OR10G2: variants seen among roughly 807,000 people sequenced by gnomAD.
OR10G2 encodes the protein olfactory receptor 10G2.
For synonymous variants in OR10G2, 147 were observed against 164.2 expected (o/e 0.90, Z 0.80); for missense variants, 396 against 387.6 (o/e 1.02, Z -0.18).
chr14:21,634,586 A>G lies in OR10G2; in HGVS notation c.257T>C (p.Leu86Pro). 2 of 1,614,148 alleles carry G rather than the reference A, an allele frequency of 1.2e-6. No individual in the cohort carries two copies. The highest frequency in any genetic ancestry group is 1.1e-5 in the South Asian group (1 of 91,084). Reference sequence around the variant, plus strand: ...GATGGAAGGAGTAAAATCCAAAATAAGCAGAGGAACGGTGACTGAGGAGAG... The same window carrying G: ...GATGGAAGGAGTAAAATCCAAAATAGGCAGAGGAACGGTGACTGAGGAGAG... Reference protein sequence around the residue: ...MWLSSVTVPLLILDFTPSIKA... With the variant: ...MWLSSVTVPLPILDFTPSIKA... The change falls in exon 1 of 1, where the codon CTT becomes CCT. Residue 86 changes from leucine to proline, a missense_variant. Coordinates refer to ENST00000542433, the MANE Select transcript of OR10G2 (RefSeq NM_001005466.2).
rs751824895 is a variant in OR10G2, at chr14:21,634,659, G to A, written c.184C>T (p.Arg62Cys). The change falls in exon 1 of 1, where the codon CGC becomes TGC. Residue 62 changes from arginine to cysteine, a missense_variant. Coordinates refer to ENST00000542433, the MANE Select transcript of OR10G2 (RefSeq NM_001005466.2). ...ACTCCCAGAAGAATGTACATGGGGC[G>A]AGCACAGAGCTTCGGGTCAGCCCAC... is the stretch of plus-strand genomic sequence containing the variant. ...TMWADPKLCARPMYILLGVLS... is the reference protein window; with the variant it reads ...TMWADPKLCACPMYILLGVLS... 1.5e-5 allele frequency: 25 copies of A among 1,614,022 alleles called. No individual in the cohort carries two copies. The highest frequency in any genetic ancestry group is 1.1e-4 in the South Asian group (10 of 91,088).
In OR10G2 at chr14:21,634,828, T is replaced by A. The variant is rs142209074; in HGVS notation, c.15A>T (p.Lys5Asn). 5.6e-4 allele frequency: 907 copies of A among 1,607,920 alleles called. No homozygotes were observed. The highest frequency in any genetic ancestry group is 7.4e-4 in the Non-Finnish European group (877 of 1,177,570). ...TCACCACGGCATCCAGCGATGTGTT[T>A]TTGGTCTTTCCCATGTCTTTTTGTA... MGKT[K>N]NTSLDAVVTD... The change falls in exon 1 of 1, where the codon AAA becomes AAT. Residue 5 changes from lysine (K) to asparagine (N), a missense_variant. Transcript: ENST00000542433.
chr14:21,634,802 G>C lies in OR10G2; in HGVS notation c.41C>G (p.Thr14Arg), dbSNP rs920437403. The change falls in exon 1 of 1, where the codon ACA becomes AGA. Residue 14 changes from threonine to arginine, a missense_variant. Coordinates refer to ENST00000542433, the MANE Select transcript of OR10G2 (RefSeq NM_001005466.2). Reference protein sequence around the residue: ...TKNTSLDAVVTDFILLGLSHP... With the variant: ...TKNTSLDAVVRDFILLGLSHP... ...AGACAAACCCAGAAGAATGAAATCT[G>C]TCACCACGGCATCCAGCGATGTGTT... The C allele has an allele frequency of 2.5e-5, 40 of 1,613,356 alleles. No homozygotes were observed. The highest frequency in any genetic ancestry group is 3.1e-5 in the Non-Finnish European group (36 of 1,179,824).
Position 21,633,923 on chromosome 14 carries a change from A to G in OR10G2, c.920T>C (p.Ile307Thr). 6.2e-7 allele frequency: 1 copy of G among 1,604,790 alleles called. No homozygotes were observed. Among genetic ancestry groups the G allele is most frequent in the Middle Eastern group, 1.7e-4 (1 of 5,980 alleles). Reference protein sequence around the residue: ...NQEVKSALKRITAG With the variant: ...NQEVKSALKRTTAG ...TCATTCAGTCCTTCAACCTGCTGTT[A>G]TCCTCTTCAGGGCAGACTTCACTTC... The change falls in exon 1 of 1, where the codon ATA (isoleucine) becomes ACA (threonine). Residue 307 changes from isoleucine (I) to threonine (T), a missense_variant. Ile to Thr is a moderately conservative substitution (Grantham distance 89). Transcript: ENST00000542433.
Position 21,634,048 on chromosome 14 carries a change from A to G in OR10G2, c.795T>C (p.Leu265=). Residue 265 remains leucine (L), a synonymous_variant, in exon 1 of 1, where the codon CTT becomes CTC. Coordinates refer to ENST00000542433, the MANE Select transcript of OR10G2 (RefSeq NM_001005466.2). The part of the protein sequence containing the change: ...VYYVPCIFIY[L]RAGSKDPLDG... ...CCAGGGGGTCTTTGGAGCCAGCCCT[A>G]AGGTAGATGAAAATACAGGGGACAT... 6.2e-7 allele frequency: 1 copy of G among 1,614,180 alleles called. No homozygotes were observed. Among genetic ancestry groups the G allele is most frequent in the Non-Finnish European group, 8.5e-7 (1 of 1,180,014 alleles).
rs1878632996 is a variant in OR10G2 at position 21,634,559 on chromosome 14, T to G, written c.284A>C (p.Lys95Thr). ...LLILDFTPSI[K>T]AIPFGGCVAQ... ...CACACAGCCACCAAACGGGATAGCC[T>G]TGATGGAAGGAGTAAAATCCAAAAT... Residue 95 changes from lysine to threonine, a missense_variant, in exon 1 of 1, where the codon AAG (lysine) becomes ACG (threonine). Coordinates refer to ENST00000542433, the MANE Select transcript of OR10G2 (RefSeq NM_001005466.2). 3 of 1,614,026 alleles carry G rather than the reference T, an allele frequency of 1.9e-6. No homozygotes were observed. The East Asian group carries it at 6.7e-5, about 36-fold the overall frequency.
At position 21,633,836 on chromosome 14, in the gene OR10G2, T is replaced by C; in HGVS notation, c.*74A>G. 1 of 1,079,276 alleles carries C rather than the reference T, an allele frequency of 9.3e-7. No individual in the cohort carries two copies. Among genetic ancestry groups the C allele is most frequent in the Non-Finnish European group, 1.4e-6 (1 of 739,216 alleles). 66.9% of individuals were successfully genotyped at this position (1,079,276 alleles called of 1,614,324 possible). A position where few individuals can be genotyped will look rare whatever the true frequency, so the allele number is the denominator to read the frequency against. ...TCCTTAGCAGTTTATTGGGCATTTGTCACATGCAGCAGTAGCTGAAGAGAG... is the reference window on the plus strand; with the variant it reads ...TCCTTAGCAGTTTATTGGGCATTTGCCACATGCAGCAGTAGCTGAAGAGAG... On this transcript the variant is annotated 3_prime_UTR_variant, in exon 1 of 1. Transcript: ENST00000542433.
chr14:21,634,699 G>A lies in OR10G2; in HGVS notation c.144C>T (p.Leu48=). The A allele has an allele frequency of 6.2e-7, 1 of 1,614,206 alleles. No homozygotes were observed. Among genetic ancestry groups the A allele is most frequent in the Non-Finnish European group, 8.5e-7 (1 of 1,180,034 alleles). ...IYILTQLGNL[L]ILLTMWADPK... ...GGTCAGCCCACATGGTGAGCAGAATGAGCAGGTTCCCCAGCTGAGTGAGGA... is the reference window on the plus strand; with the variant it reads ...GGTCAGCCCACATGGTGAGCAGAATAAGCAGGTTCCCCAGCTGAGTGAGGA... The change falls in exon 1 of 1, where the codon CTC becomes CTT. Residue 48 remains leucine, a synonymous_variant. Coordinates refer to ENST00000542433, the MANE Select transcript of OR10G2 (RefSeq NM_001005466.2).
rs1291786926 is a variant in OR10G2, at chr14:21,634,284, G to C, written c.559C>G (p.Pro187Ala). The C allele has an allele frequency of 8.1e-6, 13 of 1,614,174 alleles. No homozygotes were observed. In the East Asian group the frequency reaches 2.9e-4, roughly 36 times the overall value. Residue 187 changes from proline to alanine, a missense_variant, in exon 1 of 1, where the codon CCC becomes GCC. Physicochemically the swap from Pro to Ala is conservative, Grantham distance 27 (BLOSUM62 -1). Transcript: ENST00000542433. Reference protein sequence around the residue: ...NQVDYFICDIPAVLRLACADT... With the variant: ...NQVDYFICDIAAVLRLACADT... ...GCACAGGCCAGTCTCAATACTGCGGGGATGTCACAGATAAAGTAATCCACC... is the reference window on the plus strand; with the variant it reads ...GCACAGGCCAGTCTCAATACTGCGGCGATGTCACAGATAAAGTAATCCACC...
Position 21,633,878 on chromosome 14 carries a change from G to A in OR10G2, c.*32C>T. On this transcript the variant is annotated 3_prime_UTR_variant, in exon 1 of 1. Transcript: ENST00000542433. Reference sequence around the variant, plus strand: ...TGAAGAGAGTGGCAGTGATAATGATGCAGATGTAGTTACTTATTTTCATTC... The same window carrying A: ...TGAAGAGAGTGGCAGTGATAATGATACAGATGTAGTTACTTATTTTCATTC... 6.9e-7 allele frequency: 1 copy of A among 1,457,862 alleles called. No homozygotes were observed. The highest frequency in any genetic ancestry group is 1.4e-5 in the African/African-American group (1 of 71,198). The allele number at this position is 1,457,862 out of a possible 1,614,324, so 90.3% of individuals were successfully genotyped here. A position where few individuals can be genotyped will look rare whatever the true frequency, so the allele number is the denominator to read the frequency against.
In OR10G2 at chr14:21,634,657, G is replaced by T. The variant is rs1478322418; in HGVS notation, c.186C>A (p.Arg62=). Reference sequence around the variant, plus strand: ...GCACTCCCAGAAGAATGTACATGGGGCGAGCACAGAGCTTCGGGTCAGCCC... The same window carrying T: ...GCACTCCCAGAAGAATGTACATGGGTCGAGCACAGAGCTTCGGGTCAGCCC... ...TMWADPKLCA[R]PMYILLGVLS... The change falls in exon 1 of 1, where the codon CGC becomes CGA. Residue 62 remains arginine (R), a synonymous_variant. Coordinates refer to ENST00000542433, the MANE Select transcript of OR10G2 (RefSeq NM_001005466.2). 8.7e-6 allele frequency: 14 copies of T among 1,614,006 alleles called. No individual in the cohort carries two copies. The highest frequency in any genetic ancestry group is 6.7e-5 in the Admixed American group (4 of 59,998).
chr14:21,634,613 C>T lies in OR10G2; in HGVS notation c.230G>A (p.Trp77Ter). 2 of 1,614,078 alleles carry T rather than the reference C, an allele frequency of 1.2e-6. No homozygotes were observed. The highest frequency in any genetic ancestry group is 1.7e-6 in the Non-Finnish European group (2 of 1,179,980). Residue 77 changes from tryptophan (W) to a stop codon, truncating the protein, a stop_gained, in exon 1 of 1, where the codon TGG (tryptophan) becomes TAG (stop). Coordinates refer to ENST00000542433, the MANE Select transcript of OR10G2 (RefSeq NM_001005466.2). LOFTEE classifies it low-confidence loss of function (END_TRUNC). Reference sequence around the variant, plus strand: ...CAGAGGAACGGTGACTGAGGAGAGCCACATGTCCAGGAATGAGAGCACTCC... The same window carrying T: ...CAGAGGAACGGTGACTGAGGAGAGCTACATGTCCAGGAATGAGAGCACTCC... ...LLGVLSFLDM[W>*]LSSVTVPLLI...
chr14:21,634,668 G>A lies in OR10G2; in HGVS notation c.175C>T (p.Leu59Phe). The part of the protein sequence containing the change: ...ILLTMWADPK[L>F]CARPMYILLG... ...AGAATGTACATGGGGCGAGCACAGAGCTTCGGGTCAGCCCACATGGTGAGC... is the reference window on the plus strand; with the variant it reads ...AGAATGTACATGGGGCGAGCACAGAACTTCGGGTCAGCCCACATGGTGAGC... The change falls in exon 1 of 1, where the codon CTC becomes TTC. Residue 59 changes from leucine (L) to phenylalanine (F), a missense_variant. Physicochemically the swap from Leu to Phe is conservative, Grantham distance 22. Transcript: ENST00000542433. The A allele has an allele frequency of 6.2e-7, 1 of 1,614,184 alleles. No individual in the cohort carries two copies. The highest frequency in any genetic ancestry group is 8.5e-7 in the Non-Finnish European group (1 of 1,180,024).
In OR10G2 at chr14:21,634,644, G is replaced by T. The variant is rs10146821; in HGVS notation, c.199C>A (p.Leu67Ile). 1.2e-6 allele frequency: 2 copies of T among 1,614,122 alleles called. No homozygotes were observed. The highest frequency in any genetic ancestry group is 2.2e-5 in the South Asian group (2 of 91,082). ...PKLCARPMYI[L>I]LGVLSFLDMW... ...TCCAGGAATGAGAGCACTCCCAGAAGAATGTACATGGGGCGAGCACAGAGC... is the reference window on the plus strand; with the variant it reads ...TCCAGGAATGAGAGCACTCCCAGAATAATGTACATGGGGCGAGCACAGAGC... Residue 67 changes from leucine (L) to isoleucine (I), a missense_variant, in exon 1 of 1, where the codon CTT becomes ATT. Transcript: ENST00000542433.
In OR10G2 at chr14:21,634,797, A is replaced by T. The variant is rs1163642369; in HGVS notation, c.46T>A (p.Phe16Ile). The change falls in exon 1 of 1, where the codon TTC becomes ATC. Residue 16 changes from phenylalanine to isoleucine, a missense_variant. Physicochemically the swap from Phe to Ile is conservative, Grantham distance 21. Transcript: ENST00000542433. ...NTSLDAVVTD[F>I]ILLGLSHPPN... ...GGGTGAGACAAACCCAGAAGAATGA[A>T]ATCTGTCACCACGGCATCCAGCGAT... 1 of 1,613,564 alleles carries T rather than the reference A, an allele frequency of 6.2e-7. No homozygotes were observed. Among genetic ancestry groups the T allele is most frequent in the African/African-American group, 1.3e-5 (1 of 74,842 alleles).
Position 21,633,855 on chromosome 14 carries a change from AAG to A in OR10G2, c.*53_*54del. The stretch of plus-strand genomic sequence containing the variant: ...CATTTGTCACATGCAGCAGTAGCTG[AAG>A]AGAGTGGCAGTGATAATGATGCAGA... On this transcript the variant is annotated 3_prime_UTR_variant, in exon 1 of 1. Coordinates refer to ENST00000542433, the MANE Select transcript of OR10G2 (RefSeq NM_001005466.2). 1 of 1,251,366 alleles carries A rather than the reference AAG, an allele frequency of 8.0e-7. No homozygotes were observed. Among genetic ancestry groups the A allele is most frequent in the Non-Finnish European group, 1.1e-6 (1 of 886,456 alleles). 77.5% of individuals were successfully genotyped at this position (1,251,366 alleles called of 1,614,324 possible).
rs756876485 is a variant in OR10G2, at chr14:21,634,203, T to C, written c.640A>G (p.Ser214Gly). ...GAGAGCAGAATTAACATGAAGCAAC[T>C]GGCGGCCACTACCCCGACGTCCACA... ...TFVDVGVVAA[S>G]CFMLILLSYA... The change falls in exon 1 of 1, where the codon AGT (serine) becomes GGT (glycine). Residue 214 changes from serine (S) to glycine (G), a missense_variant. Physicochemically the swap from Ser to Gly is moderately conservative, Grantham distance 56. Transcript: ENST00000542433. 1 of 1,614,190 alleles carries C rather than the reference T, an allele frequency of 6.2e-7. No homozygotes were observed. The highest frequency in any genetic ancestry group is 1.1e-5 in the South Asian group (1 of 91,078).
rs541165979 is a variant in OR10G2 at position 21,634,688 on chromosome 14, G to A, written c.155C>T (p.Thr52Ile). 2 of 1,614,182 alleles carry A rather than the reference G, an allele frequency of 1.2e-6. No homozygotes were observed. Among genetic ancestry groups the A allele is most frequent in the African/African-American group, 1.3e-5 (1 of 75,028 alleles). ...ACAGAGCTTCGGGTCAGCCCACATG[G>A]TGAGCAGAATGAGCAGGTTCCCCAG... ...TQLGNLLILL[T>I]MWADPKLCAR... The change falls in exon 1 of 1, where the codon ACC becomes ATC. Residue 52 changes from threonine (T) to isoleucine (I), a missense_variant. Physicochemically the swap from Thr to Ile is moderately conservative, Grantham distance 89 (BLOSUM62 -1). Transcript: ENST00000542433.
chr14:21,634,552 G>A lies in OR10G2; in HGVS notation c.291C>T (p.Ile97=). The A allele has an allele frequency of 6.2e-7, 1 of 1,614,148 alleles. No homozygotes were observed. The highest frequency in any genetic ancestry group is 1.1e-5 in the South Asian group (1 of 91,082). ...ILDFTPSIKA[I]PFGGCVAQLY... is the part of the protein sequence containing the mutation. ...GTTGAGCCACACAGCCACCAAACGG[G>A]ATAGCCTTGATGGAAGGAGTAAAAT... Residue 97 remains isoleucine (I), a synonymous_variant, in exon 1 of 1, where the codon ATC becomes ATT. Coordinates refer to ENST00000542433, the MANE Select transcript of OR10G2 (RefSeq NM_001005466.2).
Sources: gnomAD v4.1 joint callset for allele counts on GRCh38, gnomAD v4.1.1 for gene constraint, MANE v1.5 for transcripts, NCBI Gene and HGNC (gene_info 2026-07-23, HGNC 2026-07-21) for gene names.